Variants in CP observed in about 807,000 individuals in gnomAD.
CP encodes ceruloplasmin.
In CP, 64 loss-of-function variants were observed where a neutral mutation model predicts 122.4. The observed-to-expected ratio is 0.52, with a 90% CI of 0.43 to 0.64. The LOEUF is 0.64. Ranked by LOEUF, CP falls within the 30% of genes least tolerant of loss-of-function variation. CP has a pLI of 0.00. For missense variants in CP, 1,167 were observed against 1,284.4 expected (o/e 0.91, Z 1.40); for synonymous variants, 440 against 436.4 (o/e 1.01, Z -0.10).
intron 6 of CP, among the ~76,000 whole-genome samples, chr3:149,205,239 A>T (rs1053942332): frequency 6.6e-6 from 1 of 151,284 alleles, no homozygotes; most frequent in East Asian, 1.9e-4. Context: ...AATGTGAAGA[A>T]ATTGAAACCC....
intron 9 of CP, among the ~76,000 whole-genome samples, chr3:149,193,739 T>C (rs1726704448): frequency 6.6e-6 from 1 of 152,212 alleles, no homozygotes; most frequent in South Asian, 2.1e-4. Context: ...CCCAGGGCTT[T>C]AACCTATATT....
At chr3:149,194,975 C>G (rs1726802180) in intron 9 of CP, among the ~76,000 whole-genome samples, 1 of 152,074 alleles carries the variant, frequency 6.6e-6, no homozygotes, top group East Asian at 1.9e-4. Flanking sequence ...ACCAGCAGAA[C>G]AGCATAGAAA....
In CP at chr3:149,188,133, C is replaced by T; in HGVS notation, c.1783G>A (p.Asp595Asn). 1 of 1,612,768 alleles carries T rather than the reference C, an allele frequency of 6.2e-7. No individual in the cohort carries two copies. Among genetic ancestry groups the T allele is most frequent in the Non-Finnish European group, 8.5e-7 (1 of 1,179,516 alleles). The stretch of plus-strand genomic sequence containing the variant: ...GCAGTTGTAAACATTCTAATATTAT[C>T]TTCCAGGAGTAAACTCTCATTCTCA... ...FDENESLLLEDNIRMFTTAPD... is the reference protein window; with the variant it reads ...FDENESLLLENNIRMFTTAPD... Residue 595 changes from aspartate (D) to asparagine (N), a missense_variant, in exon 10 of 19, where the codon GAT becomes AAT. Physicochemically the swap from Asp to Asn is conservative, Grantham distance 23. Transcript: ENST00000264613.
chr3:149,181,880 T>C, intron 14 of CP, 125 bp downstream of exon 14: 1 of 1,067,530 alleles, frequency 9.4e-7, no homozygotes, highest in Non-Finnish European at 1.4e-6. Flanking sequence ...CCTCCTTGCA[T>C]CCCCTCTTCA....
intron 9 of CP, among the ~76,000 whole-genome samples, chr3:149,195,611 TA>T (rs1726848777): frequency 6.6e-6 from 1 of 152,182 alleles, no homozygotes; most frequent in Non-Finnish European, 1.5e-5. Context: ...TTTGTTTATT[TA>T]AAAATGGAAG....
intron 18 of CP, among the ~76,000 whole-genome samples, chr3:149,174,535 A>C (rs1048365140): frequency 4.6e-5 from 7 of 152,164 alleles, no homozygotes; most frequent in Non-Finnish European, 1.0e-4. Flanking sequence ...GGGAATCTGA[A>C]ATTATGTCAA....
At chr3:149,193,547 C>T (rs933339806) in intron 9 of CP, among the ~76,000 whole-genome samples, 4 of 151,814 alleles carry the variant, frequency 2.6e-5, no homozygotes, top group African/African-American at 9.7e-5. Flanking sequence ...CTTCTTTTAC[C>T]TCCATATATT....
intron 7 of CP, 179 bp from the exon 8 acceptor site, chr3:149,200,043 G>C (rs998939774): frequency 1.7e-5 from 11 of 634,870 alleles, no homozygotes; most frequent in Non-Finnish European, 3.1e-5. Context: ...TGTCGAGGTT[G>C]GAAGGAGAGA....
rs537253878 is a variant in CP, at chr3:149,188,083, A to T, written c.1833T>A (p.Asp611Glu). ...TTTTATTAGATTCCTGAAAGTCTTC[A>T]TCTTCCTTATCCACCTGATCAGGTG... ...TTAPDQVDKE[D>E]EDFQESNKMH... The change falls in exon 10 of 19, where the codon GAT becomes GAA. Residue 611 changes from aspartate to glutamate, a missense_variant. Asp to Glu is a conservative substitution (Grantham distance 45). This residue lies in a region of CP where 525 missense variants were observed against 657.2 expected (regional missense o/e 0.80). Coordinates refer to ENST00000264613, the MANE Select transcript of CP (RefSeq NM_000096.4). The T allele has an allele frequency of 1.9e-6, 3 of 1,612,076 alleles. No individual in the cohort carries two copies. The highest frequency in any genetic ancestry group is 2.2e-5 in the East Asian group (1 of 44,812).
chr3:149,181,973 T>TGGGGGGGGGGGG, intron 14 of CP, 32 bp downstream of exon 14: 9 of 1,375,570 alleles, frequency 6.5e-6, no homozygotes, highest in African/African-American at 1.4e-5. Flanking sequence ...CCTGTTAAAA[T>TGGGGGGGGGGGG]GCACCACCCC....
chr3:149,209,863 C>T (rs1727989947), intron 3 of CP, among the ~76,000 whole-genome samples: 3 of 152,148 alleles, frequency 2.0e-5, no homozygotes, highest in African/African-American at 7.2e-5. Context: ...TTGGTAGTCA[C>T]ATTTGGTAAA....
In CP at chr3:149,176,398, A is replaced by G. The variant is rs774288241; in HGVS notation, c.3033T>C (p.Tyr1011=). 1 of 1,610,640 alleles carries G rather than the reference A, an allele frequency of 6.2e-7. No homozygotes were observed. Among genetic ancestry groups the G allele is most frequent in the Admixed American group, 1.7e-5 (1 of 60,000 alleles). ...HSFQYKHRGV[Y]SSDVFDIFPG... is the part of the protein sequence containing the mutation. ...GGAAAATGTCAAAGACATCAGAACT[A>G]TAAACTCCCCTGTGCTTAATTAGAA... Residue 1011 remains tyrosine, a synonymous_variant, in exon 18 of 19, where the codon TAT becomes TAC. Coordinates refer to ENST00000264613, the MANE Select transcript of CP (RefSeq NM_000096.4).
rs1416919042 is a variant in CP, at chr3:149,167,198, A to G, written c.587-1148T>C. On this transcript the variant is annotated intron_variant, in intron 4 of 5. Transcript: ENST00000479771. ...TACTGTTAGAGAGATGCCCGGAGGC[A>G]GTCATTCCATATGCTAATCATGAAC... 6.2e-7 allele frequency: 1 copy of G among 1,613,910 alleles called. No homozygotes were observed. Among genetic ancestry groups the G allele is most frequent in the Non-Finnish European group, 8.5e-7 (1 of 1,179,888 alleles).
intron 16 of CP, 47 bp from the exon 17 acceptor site, chr3:149,178,026 C>T (rs917992346): frequency 1.3e-6 from 2 of 1,528,982 alleles, no homozygotes; most frequent in East Asian, 4.5e-5. Context: ...ATATTTTAAA[C>T]CAATAGCTAT....
At chr3:149,183,386 C>A in intron 13 of CP, 80 bp downstream of exon 13, 1 of 1,461,544 alleles carries the variant, frequency 6.8e-7, no homozygotes, top group Non-Finnish European at 9.5e-7. Flanking sequence ...AAAATGAAAC[C>A]CATAGACATG....
intron 4 of CP, chr3:149,166,133 A>T (rs780983786): frequency 2.5e-6 from 1 of 401,426 alleles, no homozygotes; most frequent in Non-Finnish European, 4.9e-6. Flanking sequence ...AGTGGAGATT[A>T]TTTTGGTGGT....
chr3:149,162,953 C>T, intron 5 of CP: 1 of 1,224,276 alleles, frequency 8.2e-7, no homozygotes, highest in Non-Finnish European at 1.2e-6. Context: ...TTTTTAATAA[C>T]TTATTATAAA....
intron 5 of CP, among the ~76,000 whole-genome samples, chr3:149,164,908 A>G (rs1466479996): frequency 6.6e-6 from 1 of 151,982 alleles, no homozygotes; most frequent in East Asian, 1.9e-4. Context: ...GCAATACCTC[A>G]TTTACACTAT....
chr3:149,186,754 A>ATTTTGG (rs1726206724), intron 10 of CP, 22 bp from the exon 11 acceptor site: 1 of 1,607,692 alleles, frequency 6.2e-7, no homozygotes, highest in African/African-American at 1.3e-5. Context: ...GGGAAATAAC[A>ATTTTGG]TTTTGGAAGT....
Sources: gnomAD v4.1 joint callset for allele counts (sites outside exome capture counted in the v4.1 genomes callset) on GRCh38, gnomAD v4.1.1 for gene constraint, gnomAD v4.1.1 regional missense constraint, MANE v1.5 for transcripts, NCBI Gene and HGNC (gene_info 2026-07-23, HGNC 2026-07-21) for gene names.